Variants in GRIK2 observed in about 807,000 individuals in gnomAD.
The protein encoded by GRIK2 is glutamate receptor ionotropic, kainate 2.
A neutral mutation model predicts 100.3 loss-of-function variants in GRIK2; 32 were observed. The ratio of observed to expected loss-of-function variants is 0.32; its 90% confidence interval spans 0.24 to 0.43. GRIK2 has a LOEUF of 0.43. Ranked by LOEUF, GRIK2 falls within the 20% of genes least tolerant of loss-of-function variation. The probability of loss-of-function intolerance (pLI) is 1.00; values close to 1 mark genes in which losing one functional copy is unlikely to be tolerated. For synonymous variants in GRIK2, 417 were observed against 389.4 expected, an observed-to-expected ratio of 1.07 and a Z score of -0.83; for missense variants, 843 against 1,114.9, an observed-to-expected ratio of 0.76 and a Z score of 3.47.
intron 4 of GRIK2, among the ~76,000 whole-genome samples, chr6:101,647,746 C>A (rs1781598278): frequency 6.6e-6 from 1 of 151,856 alleles, no homozygotes; most frequent in South Asian, 2.1e-4. Context: ...AAAGGGCAGG[C>A]AATATAAAGT....
chr6:101,435,430 C>T (rs1467075188), intron 2 of GRIK2, among the ~76,000 whole-genome samples: 1 of 148,480 alleles, frequency 6.7e-6, no homozygotes, highest in African/African-American at 2.5e-5. Flanking sequence ...TGAAAACAGA[C>T]TTTTAAAATT....
intron 7 of GRIK2, among the ~76,000 whole-genome samples, chr6:101,732,981 T>C (rs977814659): frequency 1.3e-5 from 2 of 152,072 alleles, no homozygotes; most frequent in Non-Finnish European, 2.9e-5. Context: ...CAGGATCATA[T>C]ATAATAAATC....
intron 14 of GRIK2, among the ~76,000 whole-genome samples, chr6:102,011,136 A>G (rs1455464915): frequency 1.3e-5 from 2 of 152,172 alleles, no homozygotes; most frequent in African/African-American, 2.4e-5. Flanking sequence ...TGTCTTCTAA[A>G]ATGGCACCAT....
chr6:101,740,051 A>G (rs1775922195), intron 7 of GRIK2, among the ~76,000 whole-genome samples: 1 of 152,200 alleles, frequency 6.6e-6, no homozygotes, highest in Admixed American at 6.5e-5. Flanking sequence ...TGGGAATGAT[A>G]TGGTGGAGAA....
chr6:101,608,510 A>G (rs1779532219), intron 2 of GRIK2, among the ~76,000 whole-genome samples: 1 of 151,918 alleles, frequency 6.6e-6, no homozygotes, highest in Admixed American at 6.6e-5. Flanking sequence ...AGAAATATAC[A>G]AAATTGCTTG....
At chr6:102,035,955 C>T (rs766484124) in intron 15 of GRIK2, among the ~76,000 whole-genome samples, 3 of 150,894 alleles carry the variant, frequency 2.0e-5, no homozygotes, top group Non-Finnish European at 4.4e-5. Flanking sequence ...AGAGAGTTAA[C>T]GAAAATAAGT....
intron 13 of GRIK2, chr6:101,927,347 CT>C: frequency 1.4e-6 from 1 of 704,268 alleles, no homozygotes; most frequent in Non-Finnish European, 1.7e-6. Flanking sequence ...GTAAGTCCGT[CT>C]TTGCTTCATT....
chr6:101,793,937 C>G (rs1389524090), intron 7 of GRIK2, among the ~76,000 whole-genome samples: 2 of 152,162 alleles, frequency 1.3e-5, no homozygotes, highest in Non-Finnish European at 2.9e-5. Context: ...TCCCAGCCTC[C>G]CTGCCGCGTT....
chr6:101,850,806 C>A (rs1475519379), intron 10 of GRIK2, among the ~76,000 whole-genome samples: 1 of 152,024 alleles, frequency 6.6e-6, no homozygotes, highest in African/African-American at 2.4e-5. Context: ...AGATTTAAGA[C>A]TATATGAGAA....
intron 10 of GRIK2, among the ~76,000 whole-genome samples, chr6:101,840,220 A>G (rs900200684): frequency 1.3e-5 from 2 of 152,208 alleles, no homozygotes; most frequent in Non-Finnish European, 2.9e-5. Flanking sequence ...ATGTCCTTTG[A>G]GTCTGGCTCA....
intron 2 of GRIK2, among the ~76,000 whole-genome samples, chr6:101,619,785 T>G (rs553433774): frequency 7.2e-5 from 11 of 152,204 alleles, no homozygotes; most frequent in Non-Finnish European, 1.0e-4. Flanking sequence ...TTAGGAAGTT[T>G]TGTATATTTT....
At chr6:101,965,110 C>T (rs1792575285) in intron 14 of GRIK2, among the ~76,000 whole-genome samples, 1 of 152,040 alleles carries the variant, frequency 6.6e-6, no homozygotes, top group Non-Finnish European at 1.5e-5. Flanking sequence ...GGTGACCAAA[C>T]CCTGCTTTTG....
intron 2 of GRIK2, among the ~76,000 whole-genome samples, chr6:101,587,440 C>T (rs1248593341): frequency 6.6e-5 from 10 of 152,090 alleles, no homozygotes; most frequent in Non-Finnish European, 1.0e-4. Context: ...ATCCTTCCTA[C>T]CTACTTACCT....
chr6:101,505,394 A>T (rs1276842995), intron 2 of GRIK2, among the ~76,000 whole-genome samples: 1 of 152,098 alleles, frequency 6.6e-6, no homozygotes, highest in Non-Finnish European at 1.5e-5. Context: ...AAGCCTGAAG[A>T]GTGTTTTCAC....
chr6:102,029,769 C>T (rs992537218), intron 14 of GRIK2, among the ~76,000 whole-genome samples: 1 of 150,996 alleles, frequency 6.6e-6, no homozygotes, highest in Non-Finnish European at 1.5e-5. Context: ...TATTTTTTTT[C>T]AGCTTCACTG....
intron 7 of GRIK2, among the ~76,000 whole-genome samples, chr6:101,692,368 T>G (rs1041965187): frequency 2.0e-5 from 3 of 152,126 alleles, no homozygotes; most frequent in African/African-American, 7.2e-5. Flanking sequence ...AATTGATGAA[T>G]TAACTTTTTA....
chr6:101,835,635 T>C (rs1023997107), intron 10 of GRIK2, among the ~76,000 whole-genome samples: 1 of 150,640 alleles, frequency 6.6e-6, no homozygotes, highest in Non-Finnish European at 1.5e-5. Context: ...CACGCCTGGC[T>C]AATTTTTGTA....
At chr6:101,929,732 T>A (rs1790139419) in intron 14 of GRIK2, among the ~76,000 whole-genome samples, 2 of 152,100 alleles carry the variant, frequency 1.3e-5, no homozygotes, top group Non-Finnish European at 2.9e-5. Flanking sequence ...TTAAAATAAA[T>A]TTCTGGAGGA....
chr6:101,916,952 A>AT (rs1051577801), intron 12 of GRIK2, among the ~76,000 whole-genome samples: 13 of 151,628 alleles, frequency 8.6e-5, no homozygotes, highest in Non-Finnish European at 7.4e-5. Flanking sequence ...AGATGTTCCC[A>AT]TTTTATGCCT....
Sources: allele counts gnomAD v4.1 joint callset (sites outside exome capture counted in the v4.1 genomes callset), GRCh38; gene constraint gnomAD v4.1.1; transcripts MANE v1.5; gene names NCBI Gene and HGNC (gene_info 2026-07-23, HGNC 2026-07-21).